TAOK1: variants seen among roughly 807,000 people sequenced by gnomAD.
TAOK1 encodes the protein TAO kinase 1, also known as serine/threonine-protein kinase TAO1.
Under a neutral mutation model 138.3 loss-of-function variants are expected in TAOK1, and 21 were observed. That is an observed-to-expected ratio of 0.15 (90% confidence interval 0.11 to 0.22). The LOEUF (loss-of-function observed/expected upper bound fraction) is 0.22. Ranked by LOEUF, TAOK1 falls within the 10% of genes least tolerant of loss-of-function variation. TAOK1 has a pLI of 1.00. For missense variants in TAOK1, 651 were observed against 1,227.7 expected (o/e 0.53, Z 7.02); for synonymous variants, 361 against 398.4 (o/e 0.91, Z 1.12).
At chr17:29,531,645 C>T (rs1409461130) in intron 18 of TAOK1, among the ~76,000 whole-genome samples, 1 of 151,654 alleles carries the variant, frequency 6.6e-6, no homozygotes, top group Non-Finnish European at 1.5e-5. Flanking sequence ...CGCCCATAAT[C>T]CCAGCTACTC....
intron 1 of TAOK1, among the ~76,000 whole-genome samples, chr17:29,415,384 T>G (rs962442814): frequency 1.3e-5 from 2 of 152,206 alleles, no homozygotes; most frequent in Non-Finnish European, 2.9e-5. Context: ...TTGGGTCACA[T>G]GATAATTATG....
intron 12 of TAOK1, among the ~76,000 whole-genome samples, chr17:29,498,756 A>G (rs562420076): frequency 6.6e-6 from 1 of 152,128 alleles, no homozygotes; most frequent in Admixed American, 6.6e-5. Flanking sequence ...TGTCTCTACT[A>G]AAAATACAAA....
intron 17 of TAOK1, among the ~76,000 whole-genome samples, chr17:29,526,026 G>T (rs886378580): frequency 6.6e-6 from 1 of 152,152 alleles, no homozygotes; most frequent in African/African-American, 2.4e-5. Context: ...GGGCGTGGTG[G>T]CTCATACCTG....
chr17:29,402,867 T>C (rs1025451405), intron 1 of TAOK1, among the ~76,000 whole-genome samples: 3 of 151,048 alleles, frequency 2.0e-5, no homozygotes, highest in African/African-American at 7.3e-5. Flanking sequence ...TGAAACCCTG[T>C]CTCTACTAAA....
chr17:29,400,904 CTTTTTT>C (rs10539936), intron 1 of TAOK1, among the ~76,000 whole-genome samples: 7 of 105,238 alleles, frequency 6.7e-5, no homozygotes, highest in Admixed American at 1.1e-4. Context: ...TTGTTTGCCT[CTTTTTT>C]TTTTTTTTTT....
At chr17:29,429,341 C>G (rs1289310932) in intron 1 of TAOK1, among the ~76,000 whole-genome samples, 1 of 151,840 alleles carries the variant, frequency 6.6e-6, no homozygotes, top group African/African-American at 2.4e-5. Flanking sequence ...GTCCCCCACA[C>G]TGGGGGACAC....
chr17:29,551,016 G>T lies in TAOK1; in HGVS notation c.*7994G>T, dbSNP rs2032484345. The stretch of plus-strand genomic sequence containing the variant: ...TTGCTTTTTTATTTAAAAAAAAAAA[G>T]AAAAAAAGCTGTAACCTTATCATTT... On this transcript the variant is annotated 3_prime_UTR_variant, in exon 20 of 20. Coordinates refer to ENST00000261716, the MANE Select transcript of TAOK1 (RefSeq NM_020791.4). 6.9e-6 allele frequency: 1 copy of T among 145,156 alleles called. No homozygotes were observed. The highest frequency in any genetic ancestry group is 1.5e-5 in the Non-Finnish European group (1 of 64,940). 9.0% of individuals were successfully genotyped at this position (145,156 alleles called of 1,614,324 possible).
intron 2 of TAOK1, among the ~76,000 whole-genome samples, chr17:29,457,782 G>A (rs577292504): frequency 6.6e-6 from 1 of 152,064 alleles, no homozygotes; most frequent in African/African-American, 2.4e-5. Context: ...AAAGATCTGG[G>A]TACCATGGCC....
chr17:29,442,791 T>A (rs1410014035), intron 1 of TAOK1, among the ~76,000 whole-genome samples: 2 of 152,168 alleles, frequency 1.3e-5, no homozygotes, highest in Non-Finnish European at 2.9e-5. Context: ...GCATGGTGGC[T>A]CATGCCTGTA....
intron 17 of TAOK1, among the ~76,000 whole-genome samples, chr17:29,528,463 T>C (rs951347038): frequency 1.8e-4 from 27 of 152,228 alleles, no homozygotes; most frequent in Admixed American, 5.9e-4. Context: ...GTAATAACAA[T>C]ATTAGTAATT....
chr17:29,438,022 G>T (rs1906093588), intron 1 of TAOK1, among the ~76,000 whole-genome samples: 1 of 152,068 alleles, frequency 6.6e-6, no homozygotes, highest in Non-Finnish European at 1.5e-5. Context: ...GTGAGCCAGC[G>T]TGCCCGGCCG....
intron 1 of TAOK1, among the ~76,000 whole-genome samples, chr17:29,394,981 G>A (rs954054211): frequency 6.6e-6 from 1 of 151,862 alleles, no homozygotes; most frequent in African/African-American, 2.4e-5. Context: ...GGTGGTTTAT[G>A]CCTATAATCC....
chr17:29,526,614 A>G (rs1047579982), intron 17 of TAOK1, among the ~76,000 whole-genome samples: 1 of 151,944 alleles, frequency 6.6e-6, no homozygotes, highest in Admixed American at 6.6e-5. Context: ...GGATTTCACC[A>G]TATTGACCAG....
At chr17:29,447,460 A>T (rs1255926964) in intron 1 of TAOK1, among the ~76,000 whole-genome samples, 3 of 151,908 alleles carry the variant, frequency 2.0e-5, no homozygotes, top group African/African-American at 7.3e-5. Context: ...CCTCCCGAGT[A>T]GCTGGGACTA....
chr17:29,498,816 C>T (rs1278159104), intron 12 of TAOK1, among the ~76,000 whole-genome samples: 1 of 152,000 alleles, frequency 6.6e-6, no homozygotes, highest in Non-Finnish European at 1.5e-5. Flanking sequence ...CTCCCACCTA[C>T]TTGGGAGGTT....
At chr17:29,479,233 T>A (rs1197188331) in intron 6 of TAOK1, among the ~76,000 whole-genome samples, 1 of 152,176 alleles carries the variant, frequency 6.6e-6, no homozygotes, top group Non-Finnish European at 1.5e-5. Flanking sequence ...ATAGTAACTT[T>A]GAAGTTAAAA....
intron 1 of TAOK1, among the ~76,000 whole-genome samples, chr17:29,397,496 A>G (rs2153019712): frequency 1.3e-5 from 2 of 150,052 alleles, no homozygotes. Context: ...TCAGCTACTC[A>G]GGAAGTTGAG....
chr17:29,530,962 A>ATTGTTTTTTTTTTTTTTTT (rs2032090584), intron 18 of TAOK1, among the ~76,000 whole-genome samples: 1 of 96,192 alleles, frequency 1.0e-5, no homozygotes, highest in African/African-American at 4.4e-5. Context: ...ACAAGTACAA[A>ATTGTTTTTTTTTTTTTTTT]TTTTTTTTTT....
At chr17:29,530,198 G>A (rs559762699) in intron 17 of TAOK1, among the ~76,000 whole-genome samples, 1 of 152,228 alleles carries the variant, frequency 6.6e-6, no homozygotes, top group East Asian at 1.9e-4. Flanking sequence ...TGTTTTAAAT[G>A]AGGTTTTTTG....
Sources: allele counts gnomAD v4.1 joint callset (sites outside exome capture counted in the v4.1 genomes callset), GRCh38; gene constraint gnomAD v4.1.1; transcripts MANE v1.5; gene names NCBI Gene and HGNC (gene_info 2026-07-23, HGNC 2026-07-21).